Variants in CNTN5 observed in about 807,000 individuals in gnomAD.
CNTN5 encodes the protein contactin-5.
A neutral mutation model predicts 129.1 loss-of-function variants in CNTN5; 77 were observed. The ratio of observed to expected loss-of-function variants is 0.60; its 90% CI spans 0.50 to 0.72. The LOEUF (loss-of-function observed/expected upper bound fraction) is 0.72. CNTN5 is among the 30% of genes least tolerant of loss of function. The probability of loss-of-function intolerance (pLI) is 0.00; values close to 1 mark genes in which losing one functional copy is unlikely to be tolerated. For synonymous variants in CNTN5, 509 were observed against 465.6 expected, an observed-to-expected ratio of 1.09 and a Z score of -1.20; for missense variants, 1,478 against 1,328.8, an observed-to-expected ratio of 1.11 and a Z score of -1.75.
At chr11:99,328,041 A>T (rs1334338282) in intron 2 of CNTN5, among the ~76,000 whole-genome samples, 1 of 152,212 alleles carries the variant, frequency 6.6e-6, no homozygotes, top group Admixed American at 6.5e-5. Context: ...TCTCTTAGAG[A>T]GTATTACAGT....
At chr11:100,059,688 A>C (rs1460975735) in intron 9 of CNTN5, among the ~76,000 whole-genome samples, 1 of 152,124 alleles carries the variant, frequency 6.6e-6, no homozygotes, top group Non-Finnish European at 1.5e-5. Context: ...AGATTGATCA[A>C]ATGCGATGCT....
intron 9 of CNTN5, among the ~76,000 whole-genome samples, chr11:100,042,075 A>G (rs1565819065): frequency 6.6e-6 from 1 of 152,150 alleles, no homozygotes; most frequent in Non-Finnish European, 1.5e-5. Context: ...AGAGATTCAT[A>G]TACTCTCCTC....
intron 3 of CNTN5, among the ~76,000 whole-genome samples, chr11:99,645,966 A>G (rs597084): frequency 0.6 from 91,432 of 152,060 alleles, 28,331 homozygotes; most frequent in Admixed American, 0.69. Context: ...ATTGCCTAAT[A>G]TGTAATGTAT....
intron 18 of CNTN5, among the ~76,000 whole-genome samples, chr11:100,291,667 G>T (rs1950976195): frequency 1.3e-5 from 2 of 151,218 alleles, no homozygotes; most frequent in Admixed American, 6.6e-5. Context: ...CGAGTTAGTG[G>T]GTGCAGCGCA....
rs10650307 is a variant in CNTN5, at chr11:99,846,129, G to GACACACACACACAC, written c.577+886_577+899dup. On this transcript the variant is annotated intron_variant, in intron 6 of 24. Coordinates refer to ENST00000524871, the MANE Select transcript of CNTN5 (RefSeq NM_014361.4). ...TATTGTATGTGGCTATACGGACATA[G>GACACACACACACAC]ACACACACACACACACACACACACA... Among the ~76,000 whole-genome samples, 615 of 144,708 alleles carry GACACACACACACAC rather than the reference G, an allele frequency of 4.2e-3. 4 individuals carry two copies. Among genetic ancestry groups the GACACACACACACAC allele is most frequent in the African/African-American group, 9.6e-3 (375 of 39,036 alleles). 94.9% of individuals were successfully genotyped at this position (144,708 alleles called of 152,430 possible).
intron 3 of CNTN5, among the ~76,000 whole-genome samples, chr11:99,815,332 T>C (rs1345663267): frequency 1.3e-5 from 2 of 150,986 alleles, no homozygotes; most frequent in Non-Finnish European, 3.0e-5. Flanking sequence ...TGCTAATATA[T>C]TTTCAGAGAT....
At chr11:100,127,902 C>G (rs559239832) in intron 13 of CNTN5, among the ~76,000 whole-genome samples, 1 of 151,942 alleles carries the variant, frequency 6.6e-6, no homozygotes, top group African/African-American at 2.4e-5. Flanking sequence ...CTCAGGTGAT[C>G]TGCCCACCTC....
chr11:99,306,729 G>A (rs983282053), intron 1 of CNTN5, among the ~76,000 whole-genome samples: 112 of 142,832 alleles, frequency 7.8e-4, no homozygotes, highest in African/African-American at 2.7e-3. Context: ...GCAAGACTCC[G>A]TCTCAAAAAT....
chr11:99,775,083 A>G (rs1487772503), intron 3 of CNTN5, among the ~76,000 whole-genome samples: 2 of 152,096 alleles, frequency 1.3e-5, no homozygotes, highest in Non-Finnish European at 2.9e-5. Flanking sequence ...CAGATGCTCT[A>G]TAGCTAAGTC....
intron 3 of CNTN5, among the ~76,000 whole-genome samples, chr11:99,690,134 A>G (rs573772055): frequency 1.5e-4 from 23 of 152,024 alleles, no homozygotes; most frequent in South Asian, 6.2e-4. Context: ...TCCAATTTCA[A>G]TTTTCTGCAT....
intron 2 of CNTN5, among the ~76,000 whole-genome samples, chr11:99,553,981 C>CACACACACACACAT (rs1555025639): frequency 2.7e-5 from 4 of 148,194 alleles, no homozygotes; most frequent in East Asian, 4.4e-4. Flanking sequence ...CACACACACA[C>CACACACACACACAT]ACACACACAC....
chr11:100,251,166 T>A (rs534051060), intron 16 of CNTN5, among the ~76,000 whole-genome samples: 1 of 152,330 alleles, frequency 6.6e-6, no homozygotes, highest in African/African-American at 2.4e-5. Context: ...ACTTATTAGC[T>A]TAAAACATCA....
intron 2 of CNTN5, among the ~76,000 whole-genome samples, chr11:99,444,607 A>G (rs889973596): frequency 1.3e-5 from 2 of 152,224 alleles, no homozygotes; most frequent in African/African-American, 4.8e-5. Context: ...TCAGAGGGAC[A>G]GAAACTTCAG....
chr11:99,870,752 T>C (rs956331478), intron 6 of CNTN5, among the ~76,000 whole-genome samples: 1 of 152,104 alleles, frequency 6.6e-6, no homozygotes, highest in Admixed American at 6.6e-5. Flanking sequence ...AAAACCTTCA[T>C]CATATTTCCC....
Position 100,350,720 on chromosome 11 carries a change from G to A in CNTN5, c.3049G>A (p.Gly1017Ser), listed in dbSNP as rs745570719. ...VGYKVFYRQE[G>S]HSNSQVIETQ... is the part of the protein sequence containing the mutation. The stretch of plus-strand genomic sequence containing the variant: ...CTCTCAGGTTTTTTATAGGCAAGAG[G>A]GTCACAGCAACAGCCAAGTTATTGA... The change falls in exon 24 of 25, where the codon GGT (glycine) becomes AGT (serine). Residue 1017 changes from glycine to serine, a missense_variant. Gly to Ser is a moderately conservative substitution (Grantham distance 56, BLOSUM62 0). Coordinates refer to ENST00000524871, the MANE Select transcript of CNTN5 (RefSeq NM_014361.4). 1.9e-6 allele frequency: 3 copies of A among 1,605,750 alleles called. No homozygotes were observed. The highest frequency in any genetic ancestry group is 4.5e-5 in the East Asian group (2 of 44,672).
chr11:100,229,850 A>G (rs1949453699), intron 16 of CNTN5, among the ~76,000 whole-genome samples: 1 of 152,188 alleles, frequency 6.6e-6, no homozygotes, highest in Non-Finnish European at 1.5e-5. Context: ...TGGAGCATAG[A>G]GGTTGCGTAG....
chr11:100,183,584 G>T (rs1330896194), intron 13 of CNTN5, among the ~76,000 whole-genome samples: 1 of 152,100 alleles, frequency 6.6e-6, no homozygotes, highest in Non-Finnish European at 1.5e-5. Flanking sequence ...ATCGTGATGG[G>T]AAACAGATCA....
intron 7 of CNTN5, among the ~76,000 whole-genome samples, chr11:99,947,056 G>A (rs1950568840): frequency 9.2e-6 from 1 of 108,232 alleles, no homozygotes; most frequent in African/African-American, 3.5e-5. Flanking sequence ...ATGTGATTAT[G>A]ATATAAACAA....
At chr11:99,454,416 TAGTG>T (rs1384741780) in intron 2 of CNTN5, among the ~76,000 whole-genome samples, 1 of 152,068 alleles carries the variant, frequency 6.6e-6, no homozygotes, top group Non-Finnish European at 1.5e-5. Context: ...GTTCTCATAA[TAGTG>T]AGTGAGTTCT....
Sources: allele counts gnomAD v4.1 joint callset (sites outside exome capture counted in the v4.1 genomes callset), GRCh38; gene constraint gnomAD v4.1.1; transcripts MANE v1.5; gene names NCBI Gene and HGNC (gene_info 2026-07-23, HGNC 2026-07-21).